TBC1D19: variants seen among roughly 807,000 people sequenced by gnomAD.
TBC1D19 encodes TBC1 domain family member 19.
A neutral mutation model predicts 89.0 loss-of-function variants in TBC1D19; 60 were observed. The observed-to-expected ratio is 0.67, with a 90% CI of 0.55 to 0.84. The LOEUF is 0.84. TBC1D19 is among the 40% of genes least tolerant of loss of function. The pLI is 0.00. For missense variants in TBC1D19, 500 were observed against 610.8 expected (o/e 0.82, Z 1.91); for synonymous variants, 189 against 199.7 (o/e 0.95, Z 0.45).
At chr4:26,857,961 C>T in the TBC1D19 span, 1 of 152,270 alleles carries the variant, frequency 6.6e-6, no homozygotes, top group Non-Finnish European at 1.5e-5. Flanking sequence ...TGCGTTTATC[C>T]TAAGCCAAGA....
At chr4:26,623,030 G>A (rs1246067917) in intron 4 of TBC1D19, among the ~76,000 whole-genome samples, 1 of 152,084 alleles carries the variant, frequency 6.6e-6, no homozygotes, top group African/African-American at 2.4e-5. Context: ...GTATCTATCT[G>A]TCTTTCTATA....
At chr4:26,728,095 G>A (rs1370430845) in intron 15 of TBC1D19, among the ~76,000 whole-genome samples, 1 of 152,164 alleles carries the variant, frequency 6.6e-6, no homozygotes, top group Non-Finnish European at 1.5e-5. Context: ...TATTAAAAGT[G>A]CCTTGTCCTG....
At position 26,748,410 on chromosome 4, in the gene TBC1D19, G is replaced by C; in HGVS notation, c.1320-1G>C. ...TAATTTTTATTTTTCCTTGCTTATA[G>C]ACTTCGCATATCATTTAAGTGGATG... On this transcript the variant is annotated splice_acceptor_variant, in intron 18 of 20. Coordinates refer to ENST00000264866, the MANE Select transcript of TBC1D19 (RefSeq NM_018317.4). LOFTEE classifies it high-confidence loss of function. 2 of 1,608,410 alleles carry C rather than the reference G, an allele frequency of 1.2e-6. No individual in the cohort carries two copies. The highest frequency in any genetic ancestry group is 3.4e-5 in the Admixed American group (2 of 59,618).
the TBC1D19 span, among the ~76,000 whole-genome samples, chr4:26,857,213 A>G: frequency 6.6e-6 from 1 of 152,196 alleles, no homozygotes; most frequent in African/African-American, 2.4e-5. Context: ...CACATTGTCT[A>G]TATCACTTTA....
chr4:26,731,247 G>T (rs149503588), intron 15 of TBC1D19, among the ~76,000 whole-genome samples: 1 of 152,116 alleles, frequency 6.6e-6, no homozygotes, highest in Non-Finnish European at 1.5e-5. Flanking sequence ...TTAAAATTAT[G>T]AAGGAGTAGG....
rs1255962692 is a variant in TBC1D19, at chr4:26,755,182, A to G, written c.*235A>G. On this transcript the variant is annotated 3_prime_UTR_variant, in exon 21 of 21. Coordinates refer to ENST00000264866, the MANE Select transcript of TBC1D19 (RefSeq NM_018317.4). ...GAAGCAATAAACACAACTTCTGCTA[A>G]ATTGAGCATTATATATATAATATTA... 5.1e-6 allele frequency: 1 copy of G among 195,758 alleles called. No homozygotes were observed. The highest frequency in any genetic ancestry group is 1.0e-5 in the Non-Finnish European group (1 of 98,450). The allele number at this position is 195,758 out of a possible 1,614,324, so 12.1% of individuals were successfully genotyped here.
chr4:26,611,615 T>G (rs148169390), intron 1 of TBC1D19, among the ~76,000 whole-genome samples: 1 of 152,296 alleles, frequency 6.6e-6, no homozygotes, highest in South Asian at 2.1e-4. Flanking sequence ...TTTTGCTCAA[T>G]GCCTAGAATT....
chr4:26,751,701 C>A (rs963078031), intron 19 of TBC1D19, among the ~76,000 whole-genome samples: 1 of 151,998 alleles, frequency 6.6e-6, no homozygotes, highest in African/African-American at 2.4e-5. Context: ...TGCTTTTTTG[C>A]CCGACTGTCC....
chr4:26,717,834 G>A, intron 13 of TBC1D19, 99 bp from the exon 14 acceptor site: 1 of 931,142 alleles, frequency 1.1e-6, no homozygotes, highest in Non-Finnish European at 1.7e-6. Flanking sequence ...GCAAGGCACG[G>A]TACTTGAACT....
chr4:26,839,024 T>A, the TBC1D19 span, among the ~76,000 whole-genome samples: 53 of 152,350 alleles, frequency 3.5e-4, no homozygotes, highest in African/African-American at 1.3e-3. Context: ...TTAAGATTCG[T>A]TTATTCAACA....
intron 18 of TBC1D19, among the ~76,000 whole-genome samples, chr4:26,742,898 A>T: frequency 6.6e-6 from 1 of 152,158 alleles, no homozygotes; most frequent in East Asian, 1.9e-4. Context: ...TGAAGCAAAC[A>T]TTTGTGGAAA....
At chr4:26,727,708 T>G (rs571366427) in intron 15 of TBC1D19, among the ~76,000 whole-genome samples, 1 of 152,362 alleles carries the variant, frequency 6.6e-6, no homozygotes, top group South Asian at 2.1e-4. Context: ...TCTATATGAC[T>G]TCTTTGGTCA....
chr4:26,781,922 T>C, the TBC1D19 span, among the ~76,000 whole-genome samples: 4 of 72,546 alleles, frequency 5.5e-5, no homozygotes, highest in African/African-American at 1.7e-4. Flanking sequence ...CCATGTTACA[T>C]TGATATCTGC....
the TBC1D19 span, among the ~76,000 whole-genome samples, chr4:26,761,782 A>G: frequency 1.3e-5 from 2 of 152,212 alleles, no homozygotes; most frequent in Non-Finnish European, 2.9e-5. Flanking sequence ...AATAAGTTTA[A>G]CAAATATTTT....
chr4:26,728,164 T>C (rs1002141287), intron 15 of TBC1D19, among the ~76,000 whole-genome samples: 4 of 152,220 alleles, frequency 2.6e-5, no homozygotes, highest in African/African-American at 9.6e-5. Context: ...GATGAAAATA[T>C]TAATAATGTC....
At chr4:26,704,591 A>G (rs1374433213) in intron 13 of TBC1D19, among the ~76,000 whole-genome samples, 3 of 152,198 alleles carry the variant, frequency 2.0e-5, no homozygotes, top group African/African-American at 7.2e-5. Context: ...ATGTTCTGAT[A>G]TAGGCACTGT....
chr4:26,625,676 T>C (rs541638274), intron 4 of TBC1D19, among the ~76,000 whole-genome samples: 14 of 152,172 alleles, frequency 9.2e-5, no homozygotes, highest in Non-Finnish European at 1.8e-4. Flanking sequence ...TTTTGATGAC[T>C]TTCGCAGTTT....
intron 1 of TBC1D19, among the ~76,000 whole-genome samples, chr4:26,609,113 A>T (rs1221774921): frequency 6.7e-6 from 1 of 149,538 alleles, no homozygotes; most frequent in East Asian, 2.0e-4. Flanking sequence ...ATGCTAAATG[A>T]TGAGTTAATG....
At chr4:26,619,750 G>C (rs1341347034) in intron 3 of TBC1D19, among the ~76,000 whole-genome samples, 1 of 152,190 alleles carries the variant, frequency 6.6e-6, no homozygotes, top group African/African-American at 2.4e-5. Flanking sequence ...TATAGATTAG[G>C]TTGGATAGGT....
Sources: gnomAD v4.1 joint callset for allele counts (sites outside exome capture counted in the v4.1 genomes callset) on GRCh38, gnomAD v4.1.1 for gene constraint, MANE v1.5 for transcripts, NCBI Gene and HGNC (gene_info 2026-07-23, HGNC 2026-07-21) for gene names.